The following ASIC2 variants were observed in gnomAD, a reference collection of about 807,000 sequenced individuals.
The protein encoded by ASIC2 is acid sensing ion channel subunit 2.
Under a neutral mutation model 57.3 loss-of-function variants are expected in ASIC2, and 25 were observed. The ratio of observed to expected loss-of-function variants is 0.44; its 90% CI spans 0.32 to 0.61. The LOEUF (loss-of-function observed/expected upper bound fraction) is 0.61, where lower values mean the gene tolerates loss of function less well. Among genes scored for constraint, ASIC2 ranks in the 20% least tolerant of loss-of-function variants. The probability of loss-of-function intolerance (pLI) is 0.06; values close to 1 mark genes in which losing one functional copy is unlikely to be tolerated. For synonymous variants in ASIC2, 319 were observed against 307.5 expected, an observed-to-expected ratio of 1.04 and a Z score of -0.39; for missense variants, 641 against 738.1, an observed-to-expected ratio of 0.87 and a Z score of 1.52.
chr17:33,855,224 A>G (rs1913889476), intron 1 of ASIC2, among the ~76,000 whole-genome samples: 1 of 152,188 alleles, frequency 6.6e-6, no homozygotes, highest in Non-Finnish European at 1.5e-5. Flanking sequence ...CTGCAGCAGG[A>G]AAGAGCTGGA....
At chr17:33,604,294 C>G (rs866338876) in intron 1 of ASIC2, among the ~76,000 whole-genome samples, 1 of 152,132 alleles carries the variant, frequency 6.6e-6, no homozygotes, top group African/African-American at 2.4e-5. Context: ...ATAGGAACTT[C>G]CTGGATTCTG....
At chr17:33,564,955 T>A (rs900737416) in intron 1 of ASIC2, among the ~76,000 whole-genome samples, 9 of 152,246 alleles carry the variant, frequency 5.9e-5, no homozygotes, top group Admixed American at 3.3e-4. Flanking sequence ...TAAGTGATAC[T>A]TTTATTTAAT....
At chr17:34,140,011 G>A (rs1912230122) in intron 1 of ASIC2, among the ~76,000 whole-genome samples, 1 of 152,218 alleles carries the variant, frequency 6.6e-6, no homozygotes, top group Non-Finnish European at 1.5e-5. Context: ...TGCAACACAT[G>A]AATCTTGATT....
chr17:33,864,085 T>G (rs1016266903), intron 1 of ASIC2, among the ~76,000 whole-genome samples: 3 of 139,644 alleles, frequency 2.1e-5, no homozygotes, highest in Non-Finnish European at 4.8e-5. Context: ...GTATTTTTAG[T>G]AGAGACTGAG....
intron 1 of ASIC2, among the ~76,000 whole-genome samples, chr17:33,823,399 T>C (rs186424447): frequency 6.6e-6 from 1 of 152,058 alleles, no homozygotes; most frequent in East Asian, 1.9e-4. Context: ...AGTTTGGAAG[T>C]AGATGTGTAT....
intron 1 of ASIC2, among the ~76,000 whole-genome samples, chr17:33,686,433 T>C (rs1372669012): frequency 6.6e-6 from 1 of 152,110 alleles, no homozygotes; most frequent in African/African-American, 2.4e-5. Context: ...GTTCAGTATG[T>C]AATTCTGTAC....
At chr17:33,094,850 G>A (rs114219765) in intron 2 of ASIC2, among the ~76,000 whole-genome samples, 1,690 of 152,296 alleles carry the variant, frequency 0.011, 19 homozygotes, top group African/African-American at 0.038. Flanking sequence ...GACTTTCTGA[G>A]AGAGGCAGAA....
chr17:33,735,438 A>C (rs1909881744), intron 1 of ASIC2, among the ~76,000 whole-genome samples: 1 of 152,152 alleles, frequency 6.6e-6, no homozygotes, highest in South Asian at 2.1e-4. Context: ...GACCAAAGAA[A>C]ATGCCCTGGG....
At chr17:33,428,626 G>T (rs940986542) in intron 1 of ASIC2, among the ~76,000 whole-genome samples, 3 of 152,136 alleles carry the variant, frequency 2.0e-5, no homozygotes, top group African/African-American at 7.2e-5. Flanking sequence ...GAGGGAAGAA[G>T]AGAGGTCCAG....
intron 1 of ASIC2, among the ~76,000 whole-genome samples, chr17:33,460,879 T>C (rs1458748995): frequency 3.9e-5 from 6 of 152,248 alleles, no homozygotes; most frequent in Admixed American, 2.6e-4. Context: ...TGTGCAACTG[T>C]AGTATTCTAC....
At chr17:33,992,413 A>G (rs926615850) in intron 1 of ASIC2, among the ~76,000 whole-genome samples, 1 of 152,210 alleles carries the variant, frequency 6.6e-6, no homozygotes, top group Non-Finnish European at 1.5e-5. Flanking sequence ...CAATTCATTC[A>G]TCGAAACTCA....
intron 1 of ASIC2, among the ~76,000 whole-genome samples, chr17:33,778,337 C>T (rs1321681227): frequency 2.0e-5 from 3 of 152,108 alleles, no homozygotes. Flanking sequence ...CAAAGTCGTG[C>T]CTGTACCAGC....
chr17:33,872,893 C>G (rs1914455363), intron 1 of ASIC2, among the ~76,000 whole-genome samples: 1 of 151,932 alleles, frequency 6.6e-6, no homozygotes, highest in South Asian at 2.1e-4. Context: ...CGCATGGGCA[C>G]CAGCAAATAG....
At chr17:33,041,609 C>A (rs2141918022) in intron 3 of ASIC2, among the ~76,000 whole-genome samples, 1 of 152,338 alleles carries the variant, frequency 6.6e-6, no homozygotes, top group South Asian at 2.1e-4. Context: ...CGGGTTCTAA[C>A]CACTGGAATT....
chr17:33,830,729 G>A (rs951038522), intron 1 of ASIC2, among the ~76,000 whole-genome samples: 12 of 151,718 alleles, frequency 7.9e-5, no homozygotes, highest in African/African-American at 2.7e-4. Context: ...CCTACCCTCC[G>A]ACAGGTCCCG....
At chr17:33,025,690 C>A (rs562548020) in intron 5 of ASIC2, among the ~76,000 whole-genome samples, 2 of 152,174 alleles carry the variant, frequency 1.3e-5, no homozygotes, top group Admixed American at 6.5e-5. Context: ...CTTTCTCTCC[C>A]CAGTCCCATT....
intron 1 of ASIC2, among the ~76,000 whole-genome samples, chr17:34,055,471 T>A (rs1344592691): frequency 1.3e-5 from 2 of 152,210 alleles, no homozygotes; most frequent in African/African-American, 4.8e-5. Flanking sequence ...AAATCCTAAT[T>A]TTGACAAATG....
At chr17:34,019,788 G>A (rs1286500760) in intron 1 of ASIC2, among the ~76,000 whole-genome samples, 1 of 152,174 alleles carries the variant, frequency 6.6e-6, no homozygotes, top group African/African-American at 2.4e-5. Flanking sequence ...TCCAAAGTAT[G>A]ACTGTATTTG....
intron 1 of ASIC2, among the ~76,000 whole-genome samples, chr17:33,970,311 C>T (rs1905192419): frequency 6.6e-6 from 1 of 152,120 alleles, no homozygotes; most frequent in African/African-American, 2.4e-5. Context: ...TTCTCGAAGC[C>T]CAGGCAGCAC....
Sources: allele counts gnomAD v4.1 joint callset (sites outside exome capture counted in the v4.1 genomes callset), GRCh38; gene constraint gnomAD v4.1.1; transcripts MANE v1.5; gene names NCBI Gene and HGNC (gene_info 2026-07-23, HGNC 2026-07-21).